The following FBXL7 variants were observed in gnomAD, a reference collection of about 807,000 sequenced individuals.
FBXL7 encodes the protein F-box/LRR-repeat protein 7.
A neutral mutation model predicts 38.3 loss-of-function variants in FBXL7; 12 were observed. The ratio of observed to expected loss-of-function variants is 0.31; its 90% CI spans 0.20 to 0.51. The LOEUF (loss-of-function observed/expected upper bound fraction) is 0.51. FBXL7 is among the 20% of genes least tolerant of loss of function. The pLI is 0.98. For synonymous variants in FBXL7, 297 were observed against 300.9 expected, an observed-to-expected ratio of 0.99 and a Z score of 0.13; for missense variants, 567 against 676.4, an observed-to-expected ratio of 0.84 and a Z score of 1.79.
intron 2 of FBXL7, among the ~76,000 whole-genome samples, chr5:15,762,007 C>G (rs954814448): frequency 3.3e-5 from 5 of 152,218 alleles, no homozygotes; most frequent in African/African-American, 1.2e-4. Context: ...CGTTCATTAT[C>G]TCACAGTTTC....
intron 1 of FBXL7, among the ~76,000 whole-genome samples, chr5:15,546,439 C>T (rs1174439337): frequency 2.0e-5 from 3 of 152,070 alleles, no homozygotes; most frequent in South Asian, 2.1e-4. Context: ...TGGTGGCGGG[C>T]GCCTGTAATC....
chr5:15,930,004 C>T (rs776901887), intron 3 of FBXL7, among the ~76,000 whole-genome samples: 6 of 152,206 alleles, frequency 3.9e-5, no homozygotes, highest in Non-Finnish European at 7.3e-5. Flanking sequence ...AGCTTGCTCT[C>T]TCTTTCGAAA....
chr5:15,503,766 A>G (rs1315925962), intron 1 of FBXL7, among the ~76,000 whole-genome samples: 1 of 152,252 alleles, frequency 6.6e-6, no homozygotes, highest in Non-Finnish European at 1.5e-5. Flanking sequence ...TAGCTCGACT[A>G]TAAAATATTA....
intron 2 of FBXL7, among the ~76,000 whole-genome samples, chr5:15,883,212 A>G (rs946629025): frequency 6.6e-6 from 1 of 152,214 alleles, no homozygotes; most frequent in East Asian, 1.9e-4. Flanking sequence ...CATAATTGCT[A>G]TCTTGGTATA....
At position 15,850,499 on chromosome 5, in the gene FBXL7, T is replaced by C. The variant is rs181846083; in HGVS notation, c.128-77391T>C. Reference sequence around the variant, plus strand: ...GTCACAGCCACATAAACTATGACTTTATCCATGTCATTTACAGGGTGACAA... The same window carrying C: ...GTCACAGCCACATAAACTATGACTTCATCCATGTCATTTACAGGGTGACAA... On this transcript the variant is annotated intron_variant, in intron 2 of 3. Transcript: ENST00000504595. 2.4e-4 allele frequency among the ~76,000 whole-genome samples: 37 copies of C among 152,346 alleles called. No individual in the cohort carries two copies. In the East Asian group the frequency reaches 2.5e-3, roughly 10 times the overall value.
At chr5:15,588,468 C>G (rs887232128) in intron 1 of FBXL7, among the ~76,000 whole-genome samples, 6 of 150,484 alleles carry the variant, frequency 4.0e-5, no homozygotes, top group African/African-American at 1.5e-4. Context: ...GTCACTGCAA[C>G]CTCTGCCTCC....
chr5:15,618,454 T>C (rs930958640), intron 2 of FBXL7, among the ~76,000 whole-genome samples: 12 of 151,846 alleles, frequency 7.9e-5, no homozygotes, highest in Admixed American at 2.6e-4. Flanking sequence ...TTAAAAAACA[T>C]AGAATAGGTG....
At chr5:15,556,935 G>C (rs1306244183) in intron 1 of FBXL7, among the ~76,000 whole-genome samples, 1 of 152,134 alleles carries the variant, frequency 6.6e-6, no homozygotes, top group Non-Finnish European at 1.5e-5. Flanking sequence ...AGTGACTAAA[G>C]AAGCCAGATT....
intron 1 of FBXL7, among the ~76,000 whole-genome samples, chr5:15,615,369 C>G (rs577104971): frequency 2.0e-5 from 3 of 152,266 alleles, no homozygotes; most frequent in Admixed American, 2.0e-4. Flanking sequence ...GCCAGTTGCA[C>G]CTCCTGGCTC....
chr5:15,585,489 A>C (rs1423707042), intron 1 of FBXL7, among the ~76,000 whole-genome samples: 1 of 152,212 alleles, frequency 6.6e-6, no homozygotes, highest in East Asian at 1.9e-4. Context: ...TTAAAAGTTA[A>C]ATTTCAAAAG....
At chr5:15,504,686 T>C (rs1033991102) in intron 1 of FBXL7, among the ~76,000 whole-genome samples, 1 of 152,064 alleles carries the variant, frequency 6.6e-6, no homozygotes, top group Admixed American at 6.5e-5. Flanking sequence ...TTTTTTTGTG[T>C]GTGTATATCT....
chr5:15,733,551 A>G (rs377506883), intron 2 of FBXL7, among the ~76,000 whole-genome samples: 2 of 152,332 alleles, frequency 1.3e-5, no homozygotes, highest in East Asian at 1.9e-4. Flanking sequence ...GAGTTAATGC[A>G]ACAAAAATGA....
intron 1 of FBXL7, among the ~76,000 whole-genome samples, chr5:15,505,377 A>C (rs1314978718): frequency 6.6e-6 from 1 of 152,156 alleles, no homozygotes; most frequent in African/African-American, 2.4e-5. Context: ...GGCCAGCTCT[A>C]TCTAAGCCCA....
intron 1 of FBXL7, among the ~76,000 whole-genome samples, chr5:15,527,191 G>A (rs1737273665): frequency 6.6e-6 from 1 of 152,204 alleles, no homozygotes; most frequent in Non-Finnish European, 1.5e-5. Flanking sequence ...TAAATGTAAA[G>A]TGAGATTCTT....
intron 1 of FBXL7, among the ~76,000 whole-genome samples, chr5:15,608,878 C>T (rs143366029): frequency 6.6e-6 from 1 of 152,162 alleles, no homozygotes; most frequent in South Asian, 2.1e-4. Flanking sequence ...CTCTGGAGAA[C>T]CTTGACTGAT....
intron 2 of FBXL7, among the ~76,000 whole-genome samples, chr5:15,889,285 C>T (rs959241914): frequency 3.9e-5 from 6 of 152,196 alleles, no homozygotes; most frequent in African/African-American, 1.2e-4. Flanking sequence ...ATTACCCATT[C>T]TTCTGATACA....
intron 2 of FBXL7, among the ~76,000 whole-genome samples, chr5:15,753,996 A>G (rs1439566479): frequency 1.3e-5 from 2 of 152,230 alleles, no homozygotes; most frequent in Admixed American, 6.5e-5. Flanking sequence ...CTCATCTACA[A>G]AAAGTGTTGG....
chr5:15,614,707 G>A (rs1740387322), intron 1 of FBXL7, among the ~76,000 whole-genome samples: 1 of 152,202 alleles, frequency 6.6e-6, no homozygotes, highest in African/African-American at 2.4e-5. Context: ...GGGTCTCACA[G>A]TGCTGCAATG....
intron 2 of FBXL7, among the ~76,000 whole-genome samples, chr5:15,838,969 A>G (rs1447233724): frequency 3.3e-5 from 5 of 152,170 alleles, no homozygotes; most frequent in African/African-American, 4.8e-5. Context: ...AATTACTATA[A>G]TTATGTATTT....
Sources: allele counts gnomAD v4.1 joint callset (sites outside exome capture counted in the v4.1 genomes callset), GRCh38; gene constraint gnomAD v4.1.1; transcripts MANE v1.5; gene names NCBI Gene and HGNC (gene_info 2026-07-23, HGNC 2026-07-21).